Variants in SLIT3 observed in about 807,000 individuals in gnomAD.
The protein encoded by SLIT3 is slit homolog 3 protein.
SLIT3 carries 68 observed loss-of-function variants against 184.0 expected under a neutral mutation model. The ratio of observed to expected loss-of-function variants is 0.37; its 90% CI spans 0.30 to 0.45. SLIT3 has a LOEUF of 0.45. Ranked by LOEUF, SLIT3 falls within the 20% of genes least tolerant of loss-of-function variation. SLIT3 has a pLI of 1.00. For synonymous variants in SLIT3, 831 were observed against 828.6 expected, an observed-to-expected ratio of 1.00 and a Z score of -0.05; for missense variants, 1,707 against 2,026.0, an observed-to-expected ratio of 0.84 and a Z score of 3.02.
At chr5:168,898,601 A>G (rs1760766156) in intron 4 of SLIT3, among the ~76,000 whole-genome samples, 1 of 151,598 alleles carries the variant, frequency 6.6e-6, no homozygotes, top group South Asian at 2.1e-4. Context: ...AAAATGTCAA[A>G]TAAATCGTGA....
intron 4 of SLIT3, among the ~76,000 whole-genome samples, chr5:169,044,034 GAGA>G (rs1392623231): frequency 3.9e-5 from 6 of 152,218 alleles, no homozygotes; most frequent in African/African-American, 1.4e-4. Flanking sequence ...CCTGAGTAGA[GAGA>G]AGTAGTAGAT....
intron 14 of SLIT3, among the ~76,000 whole-genome samples, chr5:168,763,148 G>A (rs1755218925): frequency 6.6e-6 from 1 of 152,128 alleles, no homozygotes; most frequent in African/African-American, 2.4e-5. Context: ...TTTGACGGGG[G>A]CTATGCCAGG....
chr5:168,876,740 T>C (rs1470929380), intron 5 of SLIT3, among the ~76,000 whole-genome samples: 1 of 151,978 alleles, frequency 6.6e-6, no homozygotes, highest in African/African-American at 2.4e-5. Context: ...TGACTGCGGG[T>C]TTACTAATTG....
At chr5:169,008,328 G>A (rs1228924119) in intron 4 of SLIT3, among the ~76,000 whole-genome samples, 1 of 152,202 alleles carries the variant, frequency 6.6e-6, no homozygotes, top group Non-Finnish European at 1.5e-5. Flanking sequence ...CCATGAAGCT[G>A]CAAGGCTGGG....
chr5:169,206,456 T>C (rs371834782), intron 3 of SLIT3, among the ~76,000 whole-genome samples: 5 of 152,170 alleles, frequency 3.3e-5, no homozygotes, highest in Admixed American at 6.5e-5. Flanking sequence ...CAGATGCAAA[T>C]TGAAATAGAA....
chr5:169,179,831 G>C (rs1369588944), intron 4 of SLIT3, among the ~76,000 whole-genome samples: 2 of 152,040 alleles, frequency 1.3e-5, no homozygotes, highest in African/African-American at 4.8e-5. Context: ...GGAGAGACCA[G>C]GTTCCTTCTC....
intron 4 of SLIT3, among the ~76,000 whole-genome samples, chr5:168,904,986 G>A (rs1760997036): frequency 6.6e-6 from 1 of 152,038 alleles, no homozygotes; most frequent in Admixed American, 6.6e-5. Flanking sequence ...GGGCAACATA[G>A]TAAAACCCCA....
chr5:168,919,375 G>C (rs1761557878), intron 4 of SLIT3, among the ~76,000 whole-genome samples: 1 of 151,878 alleles, frequency 6.6e-6, no homozygotes, highest in African/African-American at 2.4e-5. Context: ...CCCCATTAAT[G>C]TTACACTAAA....
intron 4 of SLIT3, among the ~76,000 whole-genome samples, chr5:168,949,051 A>T (rs1368852648): frequency 6.6e-6 from 1 of 152,166 alleles, no homozygotes; most frequent in Non-Finnish European, 1.5e-5. Context: ...CCTCTCCAGG[A>T]TCAGAACTTC....
chr5:168,804,637 C>T (rs895038535), intron 9 of SLIT3, among the ~76,000 whole-genome samples: 1 of 152,184 alleles, frequency 6.6e-6, no homozygotes, highest in African/African-American at 2.4e-5. Context: ...AGAAAGGACT[C>T]TTTACTAACC....
chr5:169,022,495 C>T (rs544140246), intron 4 of SLIT3, among the ~76,000 whole-genome samples: 1 of 152,176 alleles, frequency 6.6e-6, no homozygotes, highest in Non-Finnish European at 1.5e-5. Context: ...GAAACTGTTA[C>T]AAACAATAAA....
intron 14 of SLIT3, among the ~76,000 whole-genome samples, chr5:168,763,374 G>T (rs1013597507): frequency 1.6e-4 from 24 of 152,104 alleles, no homozygotes; most frequent in African/African-American, 5.8e-4. Flanking sequence ...TTGCTTTTTT[G>T]TTGTTTTTTA....
chr5:169,173,186 G>A (rs137933551), intron 4 of SLIT3, among the ~76,000 whole-genome samples: 4,512 of 152,236 alleles, frequency 0.03, 89 homozygotes, highest in South Asian at 0.095. Context: ...GCTTGAACCC[G>A]GGAGGCGAGG....
At chr5:169,219,228 G>C (rs1317807518) in intron 3 of SLIT3, among the ~76,000 whole-genome samples, 1 of 152,154 alleles carries the variant, frequency 6.6e-6, no homozygotes, top group Non-Finnish European at 1.5e-5. Context: ...CTCCAGCACA[G>C]ACCACAGCCT....
intron 4 of SLIT3, among the ~76,000 whole-genome samples, chr5:169,179,013 G>C (rs1763066708): frequency 6.6e-6 from 1 of 152,180 alleles, no homozygotes; most frequent in African/African-American, 2.4e-5. Context: ...CAGGATGTAG[G>C]AGAAGAACAA....
chr5:168,991,341 A>G (rs1239124706), intron 4 of SLIT3, among the ~76,000 whole-genome samples: 1 of 152,220 alleles, frequency 6.6e-6, no homozygotes, highest in Non-Finnish European at 1.5e-5. Context: ...TGGTAGGAAT[A>G]GAGTCTGAAT....
intron 1 of SLIT3, among the ~76,000 whole-genome samples, chr5:169,282,856 C>T (rs1298162271): frequency 6.6e-6 from 1 of 152,196 alleles, no homozygotes; most frequent in African/African-American, 2.4e-5. Flanking sequence ...TCAATTTTCT[C>T]AAACACTGCT....
intron 5 of SLIT3, among the ~76,000 whole-genome samples, chr5:168,847,313 T>C (rs1422602324): frequency 6.6e-6 from 1 of 152,218 alleles, no homozygotes; most frequent in East Asian, 1.9e-4. Context: ...ACTGAGATTG[T>C]CTCCTTTTGT....
chr5:169,299,592 C>G (rs1767617878), intron 1 of SLIT3, among the ~76,000 whole-genome samples: 1 of 152,146 alleles, frequency 6.6e-6, no homozygotes, highest in African/African-American at 2.4e-5. Context: ...CTTACCCCAC[C>G]CCAACTGCGG....
Sources: gnomAD v4.1 joint callset for allele counts (sites outside exome capture counted in the v4.1 genomes callset) on GRCh38, gnomAD v4.1.1 for gene constraint, MANE v1.5 for transcripts, NCBI Gene and HGNC (gene_info 2026-07-23, HGNC 2026-07-21) for gene names.